The following FGFR2 variants were observed in gnomAD, a reference collection of about 807,000 sequenced individuals.
FGFR2 encodes the protein BEK fibroblast growth factor receptor.
Under a neutral mutation model 95.9 loss-of-function variants are expected in FGFR2, and 19 were observed. That is an observed-to-expected ratio of 0.20 (90% CI 0.14 to 0.29). The LOEUF (loss-of-function observed/expected upper bound fraction) is 0.29, where lower values mean the gene tolerates loss of function less well. FGFR2 is among the 10% of genes least tolerant of loss of function. The pLI, the probability that FGFR2 is intolerant of heterozygous loss-of-function variation, is 1.00. For missense variants in FGFR2, 707 were observed against 1,056.9 expected, an observed-to-expected ratio of 0.67 and a Z score of 4.59; for synonymous variants, 392 against 393.3, an observed-to-expected ratio of 1.00 and a Z score of 0.04.
intron 2 of FGFR2, 111 bp from the exon 3 acceptor site, chr10:121,565,815 G>C (rs1267350090): frequency 7.3e-7 from 1 of 1,372,492 alleles, no homozygotes; most frequent in Non-Finnish European, 1.0e-6. Context: ...AGCTGTTCTT[G>C]CTCTGCAAAT....
Position 121,589,959 on chromosome 10 carries a change from G to A in FGFR2, c.109+3750C>T, listed in dbSNP as rs1862387657. Among the ~76,000 whole-genome samples the A allele has an allele frequency of 2.0e-5, 3 of 152,274 alleles. No individual in the cohort carries two copies. In the South Asian group the frequency reaches 6.2e-4, roughly 32 times the overall value. ...CCTTTCTTTTAACTTGCAATTAAATGCGTATGGTTAATATTATGGCATTTA... is the reference window on the plus strand; with the variant it reads ...CCTTTCTTTTAACTTGCAATTAAATACGTATGGTTAATATTATGGCATTTA... On this transcript the variant is annotated intron_variant, in intron 2 of 17. Coordinates refer to ENST00000358487, the MANE Select transcript of FGFR2 (RefSeq NM_000141.5).
chr10:121,561,824 G>T (rs541978977), intron 4 of FGFR2, among the ~76,000 whole-genome samples: 5 of 152,162 alleles, frequency 3.3e-5, no homozygotes, highest in Non-Finnish European at 7.4e-5. Flanking sequence ...AATATACAAA[G>T]AACTCTTATA....
chr10:121,595,612 T>C (rs1162367806), intron 1 of FGFR2, among the ~76,000 whole-genome samples: 4 of 152,254 alleles, frequency 2.6e-5, no homozygotes, highest in Non-Finnish European at 5.9e-5. Flanking sequence ...GATCTATTTC[T>C]ACATACATGT....
chr10:121,542,894 AG>A (rs1408067818), intron 5 of FGFR2, among the ~76,000 whole-genome samples: 18 of 152,208 alleles, frequency 1.2e-4, no homozygotes, highest in Non-Finnish European at 7.3e-5. Flanking sequence ...CCGCAGTGAA[AG>A]GTGAAGGGTG....
intron 2 of FGFR2, among the ~76,000 whole-genome samples, chr10:121,589,072 C>G (rs991362050): frequency 6.6e-6 from 1 of 152,180 alleles, no homozygotes; most frequent in Non-Finnish European, 1.5e-5. Flanking sequence ...TCTGAACTGC[C>G]TACAGAGATG....
intron 2 of FGFR2, among the ~76,000 whole-genome samples, chr10:121,577,158 A>AATAT (rs1859958046): frequency 5.0e-4 from 7 of 13,958 alleles, no homozygotes; most frequent in East Asian, 6.3e-3. Flanking sequence ...AAAAAAAAAA[A>AATAT]ATATATATAT....
chr10:121,556,396 A>ACTCTCTCTCTCTCTCTCTCTCTCTCT (rs35668561), intron 4 of FGFR2, among the ~76,000 whole-genome samples: 4 of 128,196 alleles, frequency 3.1e-5, no homozygotes, highest in African/African-American at 1.4e-4. Context: ...TTTATAATCT[A>ACTCTCTCTCTCTCTCTCTCTCTCTCT]CTCTCTCTCT....
At chr10:121,482,670 T>A (rs1002946656) in intron 17 of FGFR2, among the ~76,000 whole-genome samples, 1 of 152,238 alleles carries the variant, frequency 6.6e-6, no homozygotes, top group Admixed American at 6.5e-5. Flanking sequence ...TCATCTTTCC[T>A]GCTCAGAGCA....
chr10:121,578,381 C>T (rs1860271446), intron 2 of FGFR2, among the ~76,000 whole-genome samples: 1 of 152,188 alleles, frequency 6.6e-6, no homozygotes, highest in Non-Finnish European at 1.5e-5. Context: ...CAGCCCAGTT[C>T]CAACAGCTCC....
At chr10:121,521,472 T>C (rs1850529418) in intron 6 of FGFR2, among the ~76,000 whole-genome samples, 2 of 152,116 alleles carry the variant, frequency 1.3e-5, no homozygotes, top group Admixed American at 1.3e-4. Context: ...GTAATACCCA[T>C]GGAAAAATGG....
rs1409104505 is a variant in FGFR2 at position 121,517,732 on chromosome 10, T to C, written c.940-269A>G. On this transcript the variant is annotated intron_variant, in intron 7 of 17. Coordinates refer to ENST00000358487, the MANE Select transcript of FGFR2 (RefSeq NM_000141.5). This position sits in a 1 kb window ranked among gnomAD's most constrained non-coding sequence, Gnocchi z 4.7. ...GAAAAAATCAACCCACAGAGGTCCG[T>C]TCTCTTGGCCTGTGCTTTGGTTTGC... 6.6e-6 allele frequency among the ~76,000 whole-genome samples: 1 copy of C among 152,060 alleles called. No homozygotes were observed. Among genetic ancestry groups the C allele is most frequent in the African/African-American group, 2.4e-5 (1 of 41,394 alleles).
chr10:121,563,332 C>T (rs556884442), intron 4 of FGFR2, among the ~76,000 whole-genome samples: 69 of 152,232 alleles, frequency 4.5e-4, no homozygotes, highest in Middle Eastern at 3.4e-3. Flanking sequence ...CAAGATGGCG[C>T]CACTGCACTC....
Position 121,524,099 on chromosome 10 carries a change from T to TAC in FGFR2, c.749-3931_749-3930insGT, listed in dbSNP as rs1491543645. On this transcript the variant is annotated intron_variant, in intron 6 of 17. Transcript: ENST00000358487. The stretch of plus-strand genomic sequence containing the variant: ...TTATTCCAATGCTATCCCGGCTATG[T>TAC]ATACACACACACACACACACACACA... Among the ~76,000 whole-genome samples the TAC allele has an allele frequency of 8.1e-3, 1,109 of 137,196 alleles. 17 individuals are homozygous for TAC. Among genetic ancestry groups the TAC allele is most frequent in the African/African-American group, 0.023 (781 of 34,224 alleles). The allele number at this position is 137,196 out of a possible 152,430, so 90.0% of individuals were successfully genotyped here.
intron 9 of FGFR2, among the ~76,000 whole-genome samples, chr10:121,507,478 C>T (rs1424852677): frequency 6.6e-6 from 1 of 152,134 alleles, no homozygotes; most frequent in East Asian, 1.9e-4. Flanking sequence ...ACCCCAGCTA[C>T]TGGGGAGGCT....
chr10:121,582,173 G>A (rs1397738438), intron 2 of FGFR2, among the ~76,000 whole-genome samples: 1 of 151,740 alleles, frequency 6.6e-6, no homozygotes, highest in Non-Finnish European at 1.5e-5. Context: ...CTCATGATCC[G>A]CCCACCTCGG....
chr10:121,518,620 T>A lies in FGFR2; in HGVS notation c.940-1157A>T, dbSNP rs2134278577. The A allele has an allele frequency of 6.2e-7, 1 of 1,602,670 alleles. No individual in the cohort carries two copies. The highest frequency in any genetic ancestry group is 1.7e-4 in the Middle Eastern group (1 of 6,010). ...GCCTGCAGTCTCCCAAAGCACCAAG[T>A]CTTTTCAGCTTCTATATCCAGCTTT... On this transcript the variant is annotated intron_variant, in intron 7 of 17. Coordinates refer to ENST00000358487, the MANE Select transcript of FGFR2 (RefSeq NM_000141.5). The surrounding 1 kb of genome is among the most constrained non-coding windows in gnomAD (Gnocchi z 4.0).
chr10:121,566,959 G>A (rs1341737498), intron 2 of FGFR2, among the ~76,000 whole-genome samples: 1 of 152,098 alleles, frequency 6.6e-6, no homozygotes, highest in Non-Finnish European at 1.5e-5. Flanking sequence ...AGCTGGAGCG[G>A]CCAGCTGGGA....
intron 3 of FGFR2, 31 bp downstream of exon 3, chr10:121,565,405 AAG>A: frequency 6.2e-7 from 1 of 1,613,262 alleles, no homozygotes; most frequent in Non-Finnish European, 8.5e-7. Context: ...GGCTACAGAG[AAG>A]AGAGAGCATA....
rs767833333 is a variant in FGFR2, at chr10:121,503,773, C to T, written c.1439+17G>A. 2 of 1,613,924 alleles carry T rather than the reference C, an allele frequency of 1.2e-6. No individual in the cohort carries two copies. Among genetic ancestry groups the T allele is most frequent in the East Asian group, 4.5e-5 (2 of 44,862 alleles). On this transcript the variant is annotated intron_variant, in intron 10 of 17. Coordinates refer to ENST00000358487, the MANE Select transcript of FGFR2 (RefSeq NM_000141.5). Reference sequence around the variant, plus strand: ...GCTGAGTCTCCATCCTGGGACATGGCCAAGAGAAGTACTCACTTATCTCTT... The same window carrying T: ...GCTGAGTCTCCATCCTGGGACATGGTCAAGAGAAGTACTCACTTATCTCTT...
Sources: gnomAD v4.1 joint callset for allele counts (sites outside exome capture counted in the v4.1 genomes callset) on GRCh38, gnomAD v4.1.1 for gene constraint, Gnocchi (gnomAD v3.1) non-coding constraint, MANE v1.5 for transcripts, NCBI Gene and HGNC (gene_info 2026-07-23, HGNC 2026-07-21) for gene names.